Variants in TRAPPC12 observed in about 807,000 individuals in gnomAD.
TRAPPC12 encodes TPR repeat protein 15.
TRAPPC12 carries 61 observed loss-of-function variants against 69.2 expected under a neutral mutation model. The observed-to-expected ratio is 0.88, with a 90% CI of 0.72 to 1.09. TRAPPC12 has a LOEUF of 1.09. Among genes scored for constraint, TRAPPC12 ranks in the 50% least tolerant of loss-of-function variants. TRAPPC12 has a pLI of 0.00. For missense variants in TRAPPC12, 1,101 were observed against 1,016.4 expected (o/e 1.08, Z -1.13); for synonymous variants, 469 against 438.9 (o/e 1.07, Z -0.86).
rs180891718 is a variant in TRAPPC12, at chr2:3,422,264, C to T, written c.1278+270C>T. On this transcript the variant is annotated intron_variant, in intron 4 of 11. Transcript: ENST00000324266. ...ATGGCTTTGGGTCAGCAGGTGGGTT[C>T]GCCTCACGACTGGCAGTAGCAACTG... 1.9e-3 allele frequency among the ~76,000 whole-genome samples: 289 copies of T among 152,182 alleles called. 2 individuals are homozygous for T. Among genetic ancestry groups the T allele is most frequent in the Middle Eastern group, 6.8e-3 (2 of 294 alleles).
chr2:3,426,650 G>A (rs2103064871), intron 5 of TRAPPC12, among the ~76,000 whole-genome samples: 1 of 152,330 alleles, frequency 6.6e-6, no homozygotes, highest in South Asian at 2.1e-4. Context: ...TGCAGCCATG[G>A]GTTGGATAAA....
At chr2:3,453,890 A>G (rs577854855) in intron 6 of TRAPPC12, among the ~76,000 whole-genome samples, 2 of 152,256 alleles carry the variant, frequency 1.3e-5, no homozygotes, top group African/African-American at 2.4e-5. Flanking sequence ...ATAAAGCCAG[A>G]CAACTGTCTC....
chr2:3,457,914 G>T (rs527549008), intron 7 of TRAPPC12: 12 of 1,407,348 alleles, frequency 8.5e-6, no homozygotes, highest in Non-Finnish European at 1.1e-5. Flanking sequence ...CCCTGCGCCC[G>T]GGGAGAAGAC....
At chr2:3,440,090 T>C (rs1664114822) in intron 5 of TRAPPC12, among the ~76,000 whole-genome samples, 1 of 152,222 alleles carries the variant, frequency 6.6e-6, no homozygotes, top group Admixed American at 6.5e-5. Context: ...CCAGTCTTTT[T>C]TACAGTAGCT....
chr2:3,392,112 G>C (rs889424778), intron 2 of TRAPPC12, among the ~76,000 whole-genome samples: 2 of 152,184 alleles, frequency 1.3e-5, no homozygotes, highest in African/African-American at 4.8e-5. Flanking sequence ...GACATTTAGT[G>C]AGTAGGGCTA....
At chr2:3,423,871 A>G (rs1049231610) in intron 4 of TRAPPC12, among the ~76,000 whole-genome samples, 4 of 152,122 alleles carry the variant, frequency 2.6e-5, no homozygotes, top group African/African-American at 9.7e-5. Flanking sequence ...ATTTTCCTGA[A>G]TGTACCCCTG....
intron 1 of TRAPPC12, 55 bp from the exon 2 acceptor site, chr2:3,387,565 G>T: frequency 7.5e-7 from 1 of 1,337,046 alleles, no homozygotes; most frequent in Non-Finnish European, 1.0e-6. Context: ...CTCATTTTTC[G>T]GTTGAGGTGA....
intron 6 of TRAPPC12, among the ~76,000 whole-genome samples, chr2:3,454,282 G>C (rs1665012728): frequency 6.7e-6 from 1 of 150,292 alleles, no homozygotes; most frequent in South Asian, 2.1e-4. Flanking sequence ...GTCTGGAGGG[G>C]TGTAGCCTGC....
intron 8 of TRAPPC12, among the ~76,000 whole-genome samples, chr2:3,464,154 TCACA>T (rs527280788): frequency 7.2e-5 from 11 of 151,848 alleles, no homozygotes; most frequent in East Asian, 5.8e-4. Context: ...ACACACATGC[TCACA>T]CACACGCTCA....
intron 3 of TRAPPC12, among the ~76,000 whole-genome samples, chr2:3,408,407 G>A (rs1482500726): frequency 5.3e-5 from 8 of 152,140 alleles, no homozygotes; most frequent in Admixed American, 2.6e-4. Context: ...TGGGTGGATC[G>A]TTTGAGCCCA....
intron 2 of TRAPPC12, among the ~76,000 whole-genome samples, chr2:3,399,803 C>T (rs1272534097): frequency 6.7e-6 from 1 of 149,492 alleles, no homozygotes; most frequent in Non-Finnish European, 1.5e-5. Context: ...TTTTCTTTCC[C>T]CCGCTCCCCC....
At chr2:3,463,108 C>T (rs1252411005) in intron 8 of TRAPPC12, 5 of 387,162 alleles carry the variant, frequency 1.3e-5, no homozygotes, top group African/African-American at 1.0e-4. Flanking sequence ...GCCAAATCCA[C>T]AGGATCTGGA....
At chr2:3,413,499 C>A (rs142506370) in intron 3 of TRAPPC12, among the ~76,000 whole-genome samples, 2 of 152,246 alleles carry the variant, frequency 1.3e-5, no homozygotes, top group African/African-American at 4.8e-5. Context: ...AGGTGACACA[C>A]GTTCAATATC....
intron 6 of TRAPPC12, among the ~76,000 whole-genome samples, chr2:3,448,539 A>G (rs1445841016): frequency 6.6e-6 from 1 of 151,694 alleles, no homozygotes; most frequent in African/African-American, 2.4e-5. Context: ...GTTAAACATG[A>G]TTTCCTTTGG....
At chr2:3,453,407 C>T (rs1664958249) in intron 6 of TRAPPC12, among the ~76,000 whole-genome samples, 1 of 152,212 alleles carries the variant, frequency 6.6e-6, no homozygotes, top group Non-Finnish European at 1.5e-5. Context: ...TGTGGTCACT[C>T]TGCCCTCCAC....
At chr2:3,380,424 C>T (rs184561333) in intron 1 of TRAPPC12, among the ~76,000 whole-genome samples, 1 of 152,306 alleles carries the variant, frequency 6.6e-6, no homozygotes, top group East Asian at 1.9e-4. Context: ...ACTGTGAAGA[C>T]CGAAAAAGCG....
intron 5 of TRAPPC12, among the ~76,000 whole-genome samples, chr2:3,426,311 A>G (rs891074720): frequency 1.3e-5 from 2 of 152,246 alleles, no homozygotes; most frequent in Non-Finnish European, 2.9e-5. Context: ...CAACCAAGCT[A>G]GGTAGCCACA....
intron 5 of TRAPPC12, among the ~76,000 whole-genome samples, chr2:3,433,042 G>GT (rs1663529877): frequency 1.3e-5 from 2 of 152,068 alleles, no homozygotes; most frequent in African/African-American, 4.8e-5. Context: ...TTTGTGTTTG[G>GT]TTTGTTTTGT....
intron 1 of TRAPPC12, among the ~76,000 whole-genome samples, chr2:3,386,908 C>T (rs541072134): frequency 5.0e-4 from 76 of 152,254 alleles, no homozygotes; most frequent in African/African-American, 1.8e-3. Context: ...ATGTGAATTC[C>T]AAGGCTTGTG....
Sources: gnomAD v4.1 joint callset for allele counts (sites outside exome capture counted in the v4.1 genomes callset) on GRCh38, gnomAD v4.1.1 for gene constraint, MANE v1.5 for transcripts, NCBI Gene and HGNC (gene_info 2026-07-23, HGNC 2026-07-21) for gene names.